The following SCCPDH variants were observed in gnomAD, a reference collection of about 807,000 sequenced individuals.
The protein encoded by SCCPDH is saccharopine dehydrogenase-like oxidoreductase.
A neutral mutation model predicts 51.5 loss-of-function variants in SCCPDH; 34 were observed. That is an observed-to-expected ratio of 0.66 (90% CI 0.50 to 0.88). SCCPDH has a LOEUF of 0.88. SCCPDH is among the 40% of genes least tolerant of loss of function. The pLI, the probability that SCCPDH is intolerant of heterozygous loss-of-function variation, is 0.00. For synonymous variants in SCCPDH, 187 were observed against 191.3 expected, an observed-to-expected ratio of 0.98 and a Z score of 0.19; for missense variants, 464 against 527.1, an observed-to-expected ratio of 0.88 and a Z score of 1.17.
intron 5 of SCCPDH, among the ~76,000 whole-genome samples, chr1:246,745,966 G>T (rs2102985685): frequency 6.6e-6 from 1 of 152,112 alleles, no homozygotes; most frequent in Admixed American, 6.5e-5. Context: ...AAATTAGCTG[G>T]GCGTGGTGGC....
At chr1:246,747,994 T>C (rs1296799574) in intron 5 of SCCPDH, among the ~76,000 whole-genome samples, 1 of 152,222 alleles carries the variant, frequency 6.6e-6, no homozygotes, top group Non-Finnish European at 1.5e-5. Flanking sequence ...CGTAACAATT[T>C]ACAGGCTGAA....
chr1:246,740,634 TA>T (rs1668661972), intron 4 of SCCPDH, among the ~76,000 whole-genome samples: 1 of 152,222 alleles, frequency 6.6e-6, no homozygotes, highest in African/African-American at 2.4e-5. Flanking sequence ...ATAATTTGTA[TA>T]TTATAGTTAA....
intron 6 of SCCPDH, 69 bp from the exon 7 acceptor site, chr1:246,758,965 T>G (rs1025911403): frequency 1.1e-6 from 1 of 905,054 alleles, no homozygotes; most frequent in Non-Finnish European, 1.9e-6. Context: ...CTGATTTGCT[T>G]ATTCAGACAT....
At chr1:246,743,935 G>A (rs967465860) in intron 4 of SCCPDH, 141 bp from the exon 5 acceptor site, 2 of 549,704 alleles carry the variant, frequency 3.6e-6, no homozygotes, top group East Asian at 2.9e-5. Flanking sequence ...TAATAAAACT[G>A]TTGTCTGTAC....
Position 246,766,113 on chromosome 1 carries a change from A to C in SCCPDH, c.1158A>C (p.Leu386=), listed in dbSNP as rs1669084137. ...TGGTTCAGGCAGCCATGACTCTTCTAAGTGATGCTTCTCATCTGCCTAAGG... is the reference window on the plus strand; with the variant it reads ...TGGTTCAGGCAGCCATGACTCTTCTCAGTGATGCTTCTCATCTGCCTAAGG... The part of the protein sequence containing the change: ...IAMVQAAMTL[L]SDASHLPKAG... The change falls in exon 11 of 12, where the codon CTA becomes CTC. Residue 386 remains leucine, a synonymous_variant. Coordinates refer to ENST00000366510, the MANE Select transcript of SCCPDH (RefSeq NM_016002.3). 13 of 1,613,030 alleles carry C rather than the reference A, an allele frequency of 8.1e-6. No homozygotes were observed. Among genetic ancestry groups the C allele is most frequent in the African/African-American group, 1.3e-5 (1 of 74,892 alleles).
chr1:246,746,566 C>T (rs370854481), intron 5 of SCCPDH, among the ~76,000 whole-genome samples: 18 of 152,162 alleles, frequency 1.2e-4, no homozygotes, highest in Admixed American at 3.9e-4. Context: ...AGTGGCTAGG[C>T]GCAGTGGCTC....
intron 10 of SCCPDH, 23 bp downstream of exon 10, chr1:246,764,380 A>C (rs1379207774): frequency 7.3e-7 from 1 of 1,362,612 alleles, no homozygotes; most frequent in Admixed American, 1.7e-5. Flanking sequence ...TCACTTAAGA[A>C]TGCTTGGGAA....
At chr1:246,735,532 G>A (rs369206440) in intron 2 of SCCPDH, among the ~76,000 whole-genome samples, 5 of 152,180 alleles carry the variant, frequency 3.3e-5, no homozygotes, top group African/African-American at 9.6e-5. Context: ...TATCTTCTCA[G>A]TTTATCTTTT....
chr1:246,726,318 G>A (rs1481234224), intron 1 of SCCPDH, among the ~76,000 whole-genome samples: 1 of 148,388 alleles, frequency 6.7e-6, no homozygotes, highest in Non-Finnish European at 1.5e-5. Context: ...GCTCACTGCA[G>A]CCTTGACCTC....
intron 2 of SCCPDH, among the ~76,000 whole-genome samples, chr1:246,731,160 A>G (rs570270402): frequency 6.6e-6 from 1 of 152,316 alleles, no homozygotes; most frequent in African/African-American, 2.4e-5. Flanking sequence ...CCCGAGATGA[A>G]GGATTGCTAC....
At chr1:246,765,718 T>G (rs1230517269) in intron 10 of SCCPDH, among the ~76,000 whole-genome samples, 1 of 152,178 alleles carries the variant, frequency 6.6e-6, no homozygotes, top group Non-Finnish European at 1.5e-5. Flanking sequence ...GGGTGGAGTG[T>G]GGACTCTGGA....
intron 9 of SCCPDH, 47 bp from the exon 10 acceptor site, chr1:246,764,199 G>A (rs752021133): frequency 8.8e-7 from 1 of 1,138,040 alleles, no homozygotes; most frequent in Non-Finnish European, 1.3e-6. Context: ...TGTTCCAGGA[G>A]GAAATGACGT....
At chr1:246,743,400 T>A (rs1668709161) in intron 4 of SCCPDH, among the ~76,000 whole-genome samples, 1 of 151,528 alleles carries the variant, frequency 6.6e-6, no homozygotes, top group Admixed American at 6.6e-5. Flanking sequence ...CTGGCCAATA[T>A]GGTGAAACCC....
chr1:246,750,928 G>A (rs938234225), intron 5 of SCCPDH, among the ~76,000 whole-genome samples: 7 of 152,190 alleles, frequency 4.6e-5, no homozygotes, highest in African/African-American at 1.7e-4. Context: ...TAACCCGTTT[G>A]GCCGGGGTAT....
At chr1:246,756,593 T>C (rs1308902687) in intron 5 of SCCPDH, among the ~76,000 whole-genome samples, 3 of 152,246 alleles carry the variant, frequency 2.0e-5, no homozygotes, top group African/African-American at 7.2e-5. Flanking sequence ...CTCCTGGTGT[T>C]TGGAATCTTT....
intron 9 of SCCPDH, among the ~76,000 whole-genome samples, 167 bp from the exon 10 acceptor site, chr1:246,764,079 G>T (rs577665420): frequency 4.6e-5 from 7 of 152,182 alleles, no homozygotes; most frequent in African/African-American, 1.4e-4. Context: ...CAGCTTCAAA[G>T]AATTAGTTTT....
At chr1:246,728,425 C>T (rs1398748394) in intron 2 of SCCPDH, among the ~76,000 whole-genome samples, 1 of 152,132 alleles carries the variant, frequency 6.6e-6, no homozygotes, top group African/African-American at 2.4e-5. Flanking sequence ...AAAATCCCAG[C>T]CCTGGTTATT....
intron 10 of SCCPDH, among the ~76,000 whole-genome samples, chr1:246,765,238 A>G (rs10924820): frequency 0.033 from 2,536 of 76,368 alleles, 495 homozygotes; most frequent in South Asian, 0.072. Flanking sequence ...TGTGAACTGT[A>G]GTATAATTAC....
chr1:246,764,320 A>G lies in SCCPDH; in HGVS notation c.1065A>G (p.Lys355=). 6.2e-7 allele frequency: 1 copy of G among 1,612,942 alleles called. No individual in the cohort carries two copies. Among genetic ancestry groups the G allele is most frequent in the Non-Finnish European group, 8.5e-7 (1 of 1,179,418 alleles). Reference sequence around the variant, plus strand: ...AAGGCACTGGTACAGATAAGAACAAACCAAATATCAAAATTTGTACTCAGG... The same window carrying G: ...AAGGCACTGGTACAGATAAGAACAAGCCAAATATCAAAATTTGTACTCAGG... The part of the protein sequence containing the change: ...YSQGTGTDKN[K]PNIKICTQVK... Residue 355 remains lysine (K), a synonymous_variant, in exon 10 of 12, where the codon AAA becomes AAG. Coordinates refer to ENST00000366510, the MANE Select transcript of SCCPDH (RefSeq NM_016002.3).
Sources: allele counts gnomAD v4.1 joint callset (sites outside exome capture counted in the v4.1 genomes callset), GRCh38; gene constraint gnomAD v4.1.1; transcripts MANE v1.5; gene names NCBI Gene and HGNC (gene_info 2026-07-23, HGNC 2026-07-21).